MECOM: variants seen among roughly 807,000 people sequenced by gnomAD.
MECOM encodes the protein histone-lysine N-methyltransferase MECOM.
In MECOM, 13 loss-of-function variants were observed where a neutral mutation model predicts 116.3. The observed-to-expected ratio is 0.11, with a 90% CI of 0.07 to 0.18. The LOEUF is 0.18. Ranked by LOEUF, MECOM falls within the 10% of genes least tolerant of loss-of-function variation. MECOM has a pLI of 1.00. For synonymous variants in MECOM, 528 were observed against 535.2 expected, an observed-to-expected ratio of 0.99 and a Z score of 0.19; for missense variants, 1,299 against 1,509.0, an observed-to-expected ratio of 0.86 and a Z score of 2.31.
intron 2 of MECOM, among the ~76,000 whole-genome samples, chr3:169,335,325 T>C (rs1425883108): frequency 6.6e-6 from 1 of 152,132 alleles, no homozygotes; most frequent in African/African-American, 2.4e-5. Context: ...CTGATTTAAT[T>C]TTGAACTAGG....
intron 2 of MECOM, among the ~76,000 whole-genome samples, chr3:169,335,799 C>T (rs887082980): frequency 6.6e-6 from 1 of 152,002 alleles, no homozygotes; most frequent in African/African-American, 2.4e-5. Flanking sequence ...TTCATGCTTG[C>T]ATTTGATTCA....
intron 2 of MECOM, among the ~76,000 whole-genome samples, chr3:169,195,392 C>T (rs1004879241): frequency 1.2e-4 from 18 of 152,086 alleles, no homozygotes; most frequent in Non-Finnish European, 1.9e-4. Flanking sequence ...AAAAACCTGC[C>T]GCATAAACTG....
At chr3:169,427,932 G>A (rs1419982078) in intron 1 of MECOM, among the ~76,000 whole-genome samples, 2 of 152,182 alleles carry the variant, frequency 1.3e-5, no homozygotes, top group African/African-American at 4.8e-5. Context: ...TGATAATTAA[G>A]TTAAAATGAA....
intron 2 of MECOM, among the ~76,000 whole-genome samples, chr3:169,328,774 G>A (rs570190971): frequency 6.6e-6 from 1 of 152,232 alleles, no homozygotes; most frequent in Admixed American, 6.5e-5. Context: ...TCAGTTGTAT[G>A]GGAAAACAAG....
At chr3:169,655,992 G>C (rs183637934) in intron 1 of MECOM, among the ~76,000 whole-genome samples, 3 of 152,306 alleles carry the variant, frequency 2.0e-5, no homozygotes, top group African/African-American at 7.2e-5. Context: ...AACTTGAAGA[G>C]GACCTGACTT....
chr3:169,191,782 GAAAGAAAGAA>G (rs56729673), intron 2 of MECOM, among the ~76,000 whole-genome samples: 1 of 143,672 alleles, frequency 7.0e-6, no homozygotes, highest in Admixed American at 6.9e-5. Context: ...AAGAAAGAAA[GAAAGAAAGAA>G]AGGGAGGGAA....
intron 1 of MECOM, among the ~76,000 whole-genome samples, chr3:169,569,822 T>G (rs1763666966): frequency 6.6e-6 from 1 of 152,092 alleles, no homozygotes; most frequent in African/African-American, 2.4e-5. Context: ...CATACCAGAA[T>G]CTCTGGGACA....
At chr3:169,182,963 A>G (rs1049487975) in intron 2 of MECOM, among the ~76,000 whole-genome samples, 2 of 152,200 alleles carry the variant, frequency 1.3e-5, no homozygotes, top group Admixed American at 6.5e-5. Flanking sequence ...GGACTAAGAC[A>G]TACATGAATT....
intron 2 of MECOM, among the ~76,000 whole-genome samples, chr3:169,347,847 G>T (rs1725635915): frequency 6.6e-6 from 1 of 151,990 alleles, no homozygotes; most frequent in Non-Finnish European, 1.5e-5. Context: ...AATACGTGTT[G>T]ACTGACTGAC....
rs1560196915 is a variant in MECOM, at chr3:169,378,459, AAGCAAGCAAGCAAGC to A, written c.375+2713_375+2727del. Among the ~76,000 whole-genome samples the A allele has an allele frequency of 6.9e-3, 416 of 60,134 alleles. 24 individuals carry two copies. Among genetic ancestry groups the A allele is most frequent in the Admixed American group, 0.017 (86 of 5,016 alleles). 39.5% of individuals were successfully genotyped at this position (60,134 alleles called of 152,430 possible). A position where few individuals can be genotyped will look rare whatever the true frequency, so the allele number is the denominator to read the frequency against. On this transcript the variant is annotated intron_variant, in intron 2 of 16. Transcript: ENST00000651503. ...AAAGAAAGAAAGAAAGAAGGAAAGC[AAGCAAGCAAGCAAGC>A]AAGAAAGAGAGAGAGAAAGAAAGAA...
At chr3:169,602,566 A>G (rs563530312) in intron 1 of MECOM, among the ~76,000 whole-genome samples, 1 of 152,298 alleles carries the variant, frequency 6.6e-6, no homozygotes, top group African/African-American at 2.4e-5. Context: ...CTAGATGCCA[A>G]TAGCACAACC....
In MECOM at chr3:169,495,919, A is replaced by C. The variant is rs559774001; in HGVS notation, c.38-114395T>G. ...GCTGTGTCATAAGACTGATGTGAGG[A>C]TCTCATGAGCTATACCTGTAAAGTC... On this transcript the variant is annotated intron_variant, in intron 1 of 16. Coordinates refer to ENST00000651503, the MANE Select transcript of MECOM (RefSeq NM_004991.4). Among the ~76,000 whole-genome samples the C allele has an allele frequency of 7.9e-5, 12 of 152,336 alleles. 1 individual carries two copies. The South Asian group carries it at 2.3e-3, about 29-fold the overall frequency.
chr3:169,581,778 G>C (rs1348847786), intron 1 of MECOM, among the ~76,000 whole-genome samples: 5 of 152,312 alleles, frequency 3.3e-5, no homozygotes, highest in African/African-American at 7.2e-5. Context: ...TCCTTAATGA[G>C]AGCGACCTTT....
chr3:169,180,956 T>C (rs1745892819), intron 2 of MECOM, among the ~76,000 whole-genome samples: 1 of 151,834 alleles, frequency 6.6e-6, no homozygotes, highest in Non-Finnish European at 1.5e-5. Context: ...TTAAATTATG[T>C]AGGAAGTGAA....
intron 4 of MECOM, among the ~76,000 whole-genome samples, chr3:169,129,356 G>A (rs1233307703): frequency 6.6e-6 from 1 of 151,516 alleles, no homozygotes; most frequent in Non-Finnish European, 1.5e-5. Context: ...ATGCTAAGAA[G>A]GAAAACAGCC....
intron 1 of MECOM, among the ~76,000 whole-genome samples, chr3:169,443,560 A>G (rs1342021961): frequency 6.6e-6 from 1 of 152,214 alleles, no homozygotes; most frequent in Non-Finnish European, 1.5e-5. Flanking sequence ...CAAATAGTTA[A>G]GGCTTTAACC....
intron 11 of MECOM, among the ~76,000 whole-genome samples, chr3:169,101,268 A>C (rs944599600): frequency 1.3e-5 from 2 of 152,212 alleles, no homozygotes; most frequent in African/African-American, 4.8e-5. Context: ...TTACATTCAC[A>C]AAATTGAACC....
intron 2 of MECOM, among the ~76,000 whole-genome samples, chr3:169,305,646 T>C (rs1329570102): frequency 6.6e-6 from 1 of 152,086 alleles, no homozygotes; most frequent in Non-Finnish European, 1.5e-5. Flanking sequence ...GAAATCAGAG[T>C]TGCTGAAATA....
intron 2 of MECOM, among the ~76,000 whole-genome samples, chr3:169,358,052 G>A (rs1317893219): frequency 2.6e-5 from 4 of 151,754 alleles, no homozygotes; most frequent in Middle Eastern, 3.4e-3. Context: ...AAACAATTTT[G>A]CATGCAAACA....
Sources: gnomAD v4.1 joint callset for allele counts (sites outside exome capture counted in the v4.1 genomes callset) on GRCh38, gnomAD v4.1.1 for gene constraint, MANE v1.5 for transcripts, NCBI Gene and HGNC (gene_info 2026-07-23, HGNC 2026-07-21) for gene names.